NDUFAF6: variants seen among roughly 807,000 people sequenced by gnomAD.
The protein encoded by NDUFAF6 is NADH dehydrogenase (ubiquinone) complex I, assembly factor 6.
A neutral mutation model predicts 40.8 loss-of-function variants in NDUFAF6; 45 were observed. The observed-to-expected ratio is 1.10, with a 90% CI of 0.87 to 1.42. The LOEUF (loss-of-function observed/expected upper bound fraction) is 1.42, where lower values mean the gene tolerates loss of function less well. Among genes scored for constraint, NDUFAF6 ranks in the 40% most tolerant of loss-of-function variants. The pLI is 0.00. For synonymous variants in NDUFAF6, 185 were observed against 155.9 expected (o/e 1.19, Z -1.39); for missense variants, 435 against 418.5 (o/e 1.04, Z -0.34).
At chr8:94,955,526 GA>G (rs1479010002), upstream of NDUFAF6, among the ~76,000 whole-genome samples, 3 of 152,196 alleles carry the variant, frequency 2.0e-5, no homozygotes, top group African/African-American at 4.8e-5. Flanking sequence ...GAACTTTGGG[GA>G]ACACGTTCAA....
intron 1 of NDUFAF6, among the ~76,000 whole-genome samples, chr8:94,899,160 A>G (rs1039014771): frequency 6.6e-6 from 1 of 152,210 alleles, no homozygotes; most frequent in Non-Finnish European, 1.5e-5. Flanking sequence ...CGGCCTCCCA[A>G]AGTGCTGGGA....
intron 2 of NDUFAF6, among the ~76,000 whole-genome samples, chr8:94,949,649 C>A (rs567831863): frequency 6.6e-6 from 1 of 152,082 alleles, no homozygotes; most frequent in African/African-American, 2.4e-5. Flanking sequence ...GGGCCGGGGC[C>A]GGCTTTCCAG....
chr8:95,063,613 A>C (rs1832624851), downstream of NDUFAF6, among the ~76,000 whole-genome samples: 1 of 152,108 alleles, frequency 6.6e-6, no homozygotes, highest in Non-Finnish European at 1.5e-5. Flanking sequence ...AAACAAAACA[A>C]AACAAAAAAA....
At chr8:95,017,346 A>G (rs1827505816) in intron 2 of NDUFAF6, among the ~76,000 whole-genome samples, 1 of 152,036 alleles carries the variant, frequency 6.6e-6, no homozygotes, top group Admixed American at 6.6e-5. Flanking sequence ...AGACAACCTT[A>G]CAGGAAGGGA....
chr8:95,099,594 A>C (rs1809588077), upstream of NDUFAF6, among the ~76,000 whole-genome samples: 1 of 151,110 alleles, frequency 6.6e-6, no homozygotes, highest in African/African-American at 2.4e-5. Context: ...TTAAAAAAAA[A>C]GAAAAAGAAA....
chr8:94,961,659 G>A (rs1366731007), intron 1 of NDUFAF6, among the ~76,000 whole-genome samples: 1 of 152,148 alleles, frequency 6.6e-6, no homozygotes, highest in African/African-American at 2.4e-5. Context: ...TTCTGACCTT[G>A]TGATCCACCC....
intron 1 of NDUFAF6, among the ~76,000 whole-genome samples, chr8:94,916,919 C>T (rs921725850): frequency 1.3e-5 from 2 of 151,216 alleles, no homozygotes; most frequent in Non-Finnish European, 2.9e-5. Context: ...TCAAGACCAT[C>T]CTGGCTAATA....
chr8:95,099,854 A>G (rs1809595266), upstream of NDUFAF6, among the ~76,000 whole-genome samples: 1 of 152,140 alleles, frequency 6.6e-6, no homozygotes, highest in Non-Finnish European at 1.5e-5. Flanking sequence ...ATCGTTTCCT[A>G]TAATACGGCA....
intron 5 of NDUFAF6, among the ~76,000 whole-genome samples, chr8:95,116,052 C>A (rs979716018): frequency 6.6e-6 from 1 of 152,014 alleles, no homozygotes; most frequent in African/African-American, 2.4e-5. Flanking sequence ...GCGGAAGAAT[C>A]GCTTGAACCG....
At chr8:95,038,425 C>T (rs1034707708) in intron 3 of NDUFAF6, among the ~76,000 whole-genome samples, 1 of 151,490 alleles carries the variant, frequency 6.6e-6, no homozygotes, top group Non-Finnish European at 1.5e-5. Flanking sequence ...GACTGAAGTA[C>T]AGTGGCACAG....
chr8:95,085,296 C>T (rs1012630163), intron 2 of NDUFAF6, among the ~76,000 whole-genome samples: 2 of 152,272 alleles, frequency 1.3e-5, no homozygotes, highest in East Asian at 1.9e-4. Flanking sequence ...ACTTTAACTA[C>T]GGAAGAGGAA....
At chr8:94,967,063 G>T (rs117324034) in intron 1 of NDUFAF6, among the ~76,000 whole-genome samples, 3 of 152,164 alleles carry the variant, frequency 2.0e-5, no homozygotes, top group Non-Finnish European at 4.4e-5. Flanking sequence ...TCTACCATAA[G>T]GGGGTAGGCA....
At chr8:94,920,843 C>T (rs954929023) in intron 1 of NDUFAF6, among the ~76,000 whole-genome samples, 1 of 152,186 alleles carries the variant, frequency 6.6e-6, no homozygotes, top group South Asian at 2.1e-4. Context: ...GCTGAGCCTC[C>T]GAAGAAATGA....
At chr8:95,006,731 C>T (rs889855702) in intron 2 of NDUFAF6, among the ~76,000 whole-genome samples, 11 of 151,770 alleles carry the variant, frequency 7.2e-5, no homozygotes, top group African/African-American at 1.7e-4. Flanking sequence ...AATACAAAAA[C>T]GAGCTGGGTG....
downstream of NDUFAF6, among the ~76,000 whole-genome samples, chr8:95,077,673 A>G (rs1222967725): frequency 6.6e-6 from 1 of 152,148 alleles, no homozygotes; most frequent in African/African-American, 2.4e-5. Flanking sequence ...AGAGGGCACT[A>G]CTCTACCATG....
intron 1 of NDUFAF6, chr8:94,976,007 G>A (rs189552736): frequency 1.3e-5 from 2 of 151,758 alleles, no homozygotes; most frequent in African/African-American, 4.8e-5. Flanking sequence ...TCAGGAGATC[G>A]AGACCACGGT....
At chr8:94,906,565 G>A (rs981859217) in intron 1 of NDUFAF6, among the ~76,000 whole-genome samples, 3 of 152,162 alleles carry the variant, frequency 2.0e-5, no homozygotes, top group African/African-American at 7.2e-5. Context: ...CCCTCCACGT[G>A]AGCTAGCCAA....
intron 1 of NDUFAF6, among the ~76,000 whole-genome samples, chr8:94,945,134 A>G (rs1031306369): frequency 1.3e-4 from 20 of 152,226 alleles, no homozygotes; most frequent in African/African-American, 4.3e-4. Flanking sequence ...CTGATAATTT[A>G]GTTTTTTGAA....
intron 4 of NDUFAF6, among the ~76,000 whole-genome samples, chr8:95,113,853 G>C (rs918315406): frequency 6.6e-6 from 1 of 152,072 alleles, no homozygotes; most frequent in African/African-American, 2.4e-5. Flanking sequence ...CTCAAAATTT[G>C]TAGGGACATG....
Sources: gnomAD v4.1 joint callset for allele counts (sites outside exome capture counted in the v4.1 genomes callset) on GRCh38, gnomAD v4.1.1 for gene constraint, MANE v1.5 for transcripts, NCBI Gene and HGNC (gene_info 2026-07-23, HGNC 2026-07-21) for gene names.